CENPL: variants seen among roughly 807,000 people sequenced by gnomAD.
The protein encoded by CENPL is centromere protein L.
Under a neutral mutation model 35.2 loss-of-function variants are expected in CENPL, and 20 were observed. The observed-to-expected ratio is 0.57, with a 90% CI of 0.40 to 0.83. CENPL has a LOEUF of 0.83. Ranked by LOEUF, CENPL falls within the 40% of genes least tolerant of loss-of-function variation. The probability of loss-of-function intolerance (pLI) is 0.00; values close to 1 mark genes in which losing one functional copy is unlikely to be tolerated. For missense variants in CENPL, 363 were observed against 395.8 expected (o/e 0.92, Z 0.70); for synonymous variants, 140 against 140.6 (o/e 1.00, Z 0.03).
intron 2 of CENPL, among the ~76,000 whole-genome samples, chr1:173,813,448 G>A (rs1651041727): frequency 6.6e-6 from 1 of 152,170 alleles, no homozygotes; most frequent in African/African-American, 2.4e-5. Flanking sequence ...ACCCACAAAG[G>A]GAAGCCCATC....
At chr1:173,804,965 A>G (rs1338041989) in intron 4 of CENPL, among the ~76,000 whole-genome samples, 1 of 152,234 alleles carries the variant, frequency 6.6e-6, no homozygotes, top group Non-Finnish European at 1.5e-5. Flanking sequence ...AAGACTCTCA[A>G]ATAGCTGGAA....
intron 2 of CENPL, among the ~76,000 whole-genome samples, chr1:173,816,592 C>T (rs1041557584): frequency 1.3e-5 from 2 of 152,156 alleles, no homozygotes; most frequent in African/African-American, 4.8e-5. Flanking sequence ...ACAAAGATTC[C>T]CTATTTAATA....
chr1:173,800,429 TTA>T lies in CENPL; in HGVS notation c.*17_*18del. On this transcript the variant is annotated 3_prime_UTR_variant, in exon 6 of 6. Transcript: ENST00000682279. ...TCAATAAGAGTATATAATCTATAAC[TTA>T]TAGTCCACATAAGGCTTCACTCAAT... is the stretch of plus-strand genomic sequence containing the variant. The T allele has an allele frequency of 9.6e-7, 1 of 1,040,962 alleles. No homozygotes were observed. Among genetic ancestry groups the T allele is most frequent in the Non-Finnish European group, 1.5e-6 (1 of 665,390 alleles). 64.5% of individuals were successfully genotyped at this position (1,040,962 alleles called of 1,614,324 possible). A position where few individuals can be genotyped will look rare whatever the true frequency, so the allele number is the denominator to read the frequency against.
intron 2 of CENPL, among the ~76,000 whole-genome samples, chr1:173,816,818 G>T (rs1000270310): frequency 6.6e-6 from 1 of 152,258 alleles, no homozygotes; most frequent in African/African-American, 2.4e-5. Flanking sequence ...GGCAACAAAA[G>T]CCAAAATAGA....
Position 173,810,996 on chromosome 1 carries a change from A to T in CENPL, c.168+136T>A, listed in dbSNP as rs1000451026. The T allele has an allele frequency of 1.2e-5, 8 of 689,474 alleles. No individual in the cohort carries two copies. In the African/African-American group the frequency reaches 1.4e-4, roughly 12 times the overall value. The allele number at this position is 689,474 out of a possible 1,614,324, so 42.7% of individuals were successfully genotyped here. ...AAGAGGTAGCACTGATCGTTATGAA[A>T]TTGTTTCTTTCTCATTTATTTTATT... On this transcript the variant is annotated intron_variant, in intron 3 of 5. Coordinates refer to ENST00000682279, the MANE Select transcript of CENPL (RefSeq NM_001387287.1).
At chr1:173,802,898 A>G (rs1226037942) in intron 5 of CENPL, 65 bp downstream of exon 5, 1 of 1,062,608 alleles carries the variant, frequency 9.4e-7, no homozygotes, top group African/African-American at 1.6e-5. Flanking sequence ...GGACAATACA[A>G]TCATCATACA....
chr1:173,807,678 A>T (rs1650361323), intron 3 of CENPL, among the ~76,000 whole-genome samples, 160 bp from the exon 4 acceptor site: 1 of 152,176 alleles, frequency 6.6e-6, no homozygotes, highest in Non-Finnish European at 1.5e-5. Context: ...CCTTGAACAG[A>T]CCTTTACCTT....
intron 5 of CENPL, among the ~76,000 whole-genome samples, chr1:173,801,591 C>A (rs797003255): frequency 8.0e-5 from 12 of 150,338 alleles, no homozygotes; most frequent in Non-Finnish European, 1.0e-4. Context: ...GAGGCCAAGG[C>A]AAGTGGATCA....
At position 173,811,207 on chromosome 1, in the gene CENPL, T is replaced by C. The variant is rs1161026616; in HGVS notation, c.93A>G (p.Leu31=). 1.2e-6 allele frequency: 2 copies of C among 1,614,092 alleles called. No individual in the cohort carries two copies. Among genetic ancestry groups the C allele is most frequent in the South Asian group, 2.2e-5 (2 of 91,080 alleles). The change falls in exon 3 of 6, where the codon TTA becomes TTG. Residue 31 remains leucine (L), a synonymous_variant. Coordinates refer to ENST00000682279, the MANE Select transcript of CENPL (RefSeq NM_001387287.1). The stretch of plus-strand genomic sequence containing the variant: ...ATGAACTCTGCTTCCTGACCGATTC[T>C]AATCGTTTCTGCAGAGGAGTGGCAC... The part of the protein sequence containing the change: ...FIGATPLQKR[L]ESVRKQSSFI...
chr1:173,808,047 C>T (rs892906784), intron 3 of CENPL, among the ~76,000 whole-genome samples: 1 of 152,046 alleles, frequency 6.6e-6, no homozygotes, highest in Non-Finnish European at 1.5e-5. Context: ...CTTTTAGAAA[C>T]CTCAAACTAT....
intron 5 of CENPL, 57 bp downstream of exon 5, chr1:173,802,906 A>T: frequency 2.6e-6 from 3 of 1,146,118 alleles, no homozygotes; most frequent in Non-Finnish European, 3.8e-6. Flanking sequence ...CAATCATCAT[A>T]CATTTTTAAA....
intron 4 of CENPL, among the ~76,000 whole-genome samples, chr1:173,804,520 T>C (rs921007675): frequency 2.2e-4 from 34 of 152,348 alleles, no homozygotes; most frequent in Middle Eastern, 6.8e-3. Context: ...AAAGGTCTCA[T>C]TGCAAGACTA....
chr1:173,805,938 T>C (rs1445593509), intron 4 of CENPL, among the ~76,000 whole-genome samples: 1 of 152,206 alleles, frequency 6.6e-6, no homozygotes, highest in Non-Finnish European at 1.5e-5. Context: ...TCTTTGCCAA[T>C]ACCATGACCT....
chr1:173,807,982 CA>C (rs1361737291), intron 3 of CENPL, among the ~76,000 whole-genome samples: 1 of 152,128 alleles, frequency 6.6e-6, no homozygotes, highest in Non-Finnish European at 1.5e-5. Flanking sequence ...CTCTCTAGAA[CA>C]ATGCTATCTA....
chr1:173,807,668 C>T (rs554689275), intron 3 of CENPL, 150 bp from the exon 4 acceptor site: 32 of 572,998 alleles, frequency 5.6e-5, no homozygotes, highest in African/African-American at 5.2e-4. Flanking sequence ...TTTTGCAGAT[C>T]CTTGAACAGA....
chr1:173,812,669 AG>A (rs1236277087), intron 2 of CENPL, among the ~76,000 whole-genome samples: 4 of 152,240 alleles, frequency 2.6e-5, no homozygotes, highest in Admixed American at 1.3e-4. Context: ...CCCCATCTGT[AG>A]GTCACCAACA....
At position 173,807,466 on chromosome 1, in the gene CENPL, A is replaced by G. The variant is rs774545206; in HGVS notation, c.221T>C (p.Leu74Ser). Residue 74 changes from leucine (L) to serine (S), a missense_variant, in exon 4 of 6, where the codon TTA (leucine) becomes TCA (serine). Physicochemically the swap from Leu to Ser is moderately radical, Grantham distance 145. Coordinates refer to ENST00000682279, the MANE Select transcript of CENPL (RefSeq NM_001387287.1). ...VAFLLHKQWT[L>S]YSLTPLYKFS... Reference sequence around the variant, plus strand: ...TTTATATAAGGGAGTTAAACTATATAAAGTCCACTGTTTATGCAGAAGGAA... The same window carrying G: ...TTTATATAAGGGAGTTAAACTATATGAAGTCCACTGTTTATGCAGAAGGAA... 4 of 1,593,886 alleles carry G rather than the reference A, an allele frequency of 2.5e-6. No homozygotes were observed. In the East Asian group the frequency reaches 6.7e-5, roughly 27 times the overall value.
intron 4 of CENPL, among the ~76,000 whole-genome samples, chr1:173,803,782 C>T (rs953768861): frequency 3.9e-5 from 6 of 151,974 alleles, no homozygotes; most frequent in African/African-American, 1.2e-4. Context: ...AGTGATTCTC[C>T]GGCCTCAGCC....
At chr1:173,820,165 G>C (rs1489801840) in intron 2 of CENPL, among the ~76,000 whole-genome samples, 2 of 152,136 alleles carry the variant, frequency 1.3e-5, no homozygotes, top group African/African-American at 4.8e-5. Context: ...AATCCAAAAT[G>C]CTCCAGTGAA....
Sources: gnomAD v4.1 joint callset for allele counts (sites outside exome capture counted in the v4.1 genomes callset) on GRCh38, gnomAD v4.1.1 for gene constraint, MANE v1.5 for transcripts, NCBI Gene and HGNC (gene_info 2026-07-23, HGNC 2026-07-21) for gene names.